FABP12: variants seen among roughly 807,000 people sequenced by gnomAD.
FABP12 encodes fatty acid binding protein 12.
Under a neutral mutation model 13.7 loss-of-function variants are expected in FABP12, and 19 were observed. That is an observed-to-expected ratio of 1.39 (90% confidence interval 0.97 to 2.04). The LOEUF (loss-of-function observed/expected upper bound fraction) is 2.04, where lower values mean the gene tolerates loss of function less well. FABP12 is among the 30% of genes most tolerant of loss of function. FABP12 has a pLI of 0.00. For missense variants in FABP12, 182 were observed against 164.2 expected (o/e 1.11, Z -0.59); for synonymous variants, 61 against 57.0 (o/e 1.07, Z -0.32).
rs144912040 is a variant in FABP12 at position 81,549,359 on chromosome 8, G to A, written c.-184-9616C>T. Among the ~76,000 whole-genome samples, 328 of 152,146 alleles carry A rather than the reference G, an allele frequency of 2.2e-3. 1 individual carries two copies. The highest frequency in any genetic ancestry group is 4.3e-3 in the Admixed American group (65 of 15,278). Reference sequence around the variant, plus strand: ...ATTAACAGAAGGCCTTGATGGACACGGTAAAGAGCTTGGTCTTTATCTGAT... The same window carrying A: ...ATTAACAGAAGGCCTTGATGGACACAGTAAAGAGCTTGGTCTTTATCTGAT... On this transcript the variant is annotated intron_variant, in intron 1 of 5. Coordinates refer to the FABP12 transcript ENST00000692030.
intron 2 of FABP12, among the ~76,000 whole-genome samples, chr8:81,530,442 G>C (rs1272545603): frequency 1.3e-5 from 2 of 152,046 alleles, no homozygotes; most frequent in East Asian, 3.9e-4. Context: ...GAACATCCTT[G>C]TATACACAGC....
At chr8:81,562,351 G>A (rs1056274477) in intron 1 of FABP12, among the ~76,000 whole-genome samples, 1 of 152,140 alleles carries the variant, frequency 6.6e-6, no homozygotes, top group African/African-American at 2.4e-5. Context: ...TCCCACCTTG[G>A]GTGGCTGTGG....
chr8:81,563,779 C>G (rs1809769062), intron 1 of FABP12, among the ~76,000 whole-genome samples: 1 of 152,124 alleles, frequency 6.6e-6, no homozygotes, highest in South Asian at 2.1e-4. Flanking sequence ...GAAACACACC[C>G]ACAAGATCTA....
chr8:81,541,403 G>T (rs754525252), intron 1 of FABP12, among the ~76,000 whole-genome samples: 1 of 152,100 alleles, frequency 6.6e-6, no homozygotes, highest in Non-Finnish European at 1.5e-5. Flanking sequence ...ATTAACATTA[G>T]CTCAATCTTG....
chr8:81,585,728 G>T lies in FABP12; in HGVS notation c.-185+4325C>A, dbSNP rs550964700. On this transcript the variant is annotated intron_variant, in intron 1 of 5. Coordinates refer to the FABP12 transcript ENST00000692030. ...AGCATGGAATAACTTCACATTTTTTGTGTGTGTCCTCTTCAATTTCTTTCA... is the reference window on the plus strand; with the variant it reads ...AGCATGGAATAACTTCACATTTTTTTTGTGTGTCCTCTTCAATTTCTTTCA... 4.3e-4 allele frequency among the ~76,000 whole-genome samples: 66 copies of T among 152,088 alleles called. 1 individual carries two copies. The highest frequency in any genetic ancestry group is 1.4e-3 in the African/African-American group (58 of 41,516).
intron 1 of FABP12, among the ~76,000 whole-genome samples, chr8:81,544,776 G>A (rs1809407991): frequency 6.6e-6 from 1 of 152,128 alleles, no homozygotes; most frequent in South Asian, 2.1e-4. Context: ...AGGTCTGGTG[G>A]GAGAGAGAAG....
intron 1 of FABP12, among the ~76,000 whole-genome samples, chr8:81,581,010 T>C (rs1810148249): frequency 6.6e-6 from 1 of 152,150 alleles, no homozygotes; most frequent in Non-Finnish European, 1.5e-5. Context: ...AGGGGAGAAA[T>C]AGTAGGACTT....
intron 1 of FABP12, among the ~76,000 whole-genome samples, chr8:81,577,860 T>A (rs2130093727): frequency 6.6e-6 from 1 of 152,370 alleles, no homozygotes; most frequent in African/African-American, 2.4e-5. Context: ...CTACAATGTT[T>A]TGTGTTTAAA....
At chr8:81,547,267 A>G (rs1236837547) in intron 1 of FABP12, among the ~76,000 whole-genome samples, 1 of 152,236 alleles carries the variant, frequency 6.6e-6, no homozygotes, top group Non-Finnish European at 1.5e-5. Flanking sequence ...TGTGGAGTTC[A>G]CACATACACA....
At chr8:81,531,167 T>G (rs564394734) in intron 2 of FABP12, 76 bp downstream of exon 2, 1 of 958,810 alleles carries the variant, frequency 1.0e-6, no homozygotes, top group African/African-American at 1.6e-5. Context: ...ATTAATATTA[T>G]TTTATACAGA....
intron 1 of FABP12, among the ~76,000 whole-genome samples, chr8:81,584,884 T>A (rs1340797094): frequency 1.3e-5 from 2 of 152,328 alleles, no homozygotes; most frequent in East Asian, 3.9e-4. Flanking sequence ...TGATTTGCAT[T>A]TCTCTGATGG....
At chr8:81,529,462 G>T in exon 3 of FABP12, 1 of 1,613,928 alleles carries the variant, frequency 6.2e-7, no homozygotes, top group Non-Finnish European at 8.5e-7. Context: ...CACCTGGCGT[G>T]ATTTCCTCAA....
chr8:81,532,105 T>C (rs920304775), intron 1 of FABP12, among the ~76,000 whole-genome samples: 2 of 152,186 alleles, frequency 1.3e-5, no homozygotes, highest in Admixed American at 1.3e-4. Context: ...CAACCCTGAC[T>C]GTAAAATCTC....
At chr8:81,567,982 G>T (rs192634492) in intron 1 of FABP12, among the ~76,000 whole-genome samples, 32 of 152,240 alleles carry the variant, frequency 2.1e-4, no homozygotes, top group Non-Finnish European at 2.9e-5. Flanking sequence ...AATTAGCCGG[G>T]CGCGGTGGCG....
chr8:81,529,669 A>C, intron 2 of FABP12, 59 bp from the exon 3 acceptor site: 3 of 1,395,664 alleles, frequency 2.1e-6, no homozygotes, highest in Non-Finnish European at 3.0e-6. Flanking sequence ...AATACATTAC[A>C]TTACAATACA....
chr8:81,555,232 T>G (rs1809591938), intron 1 of FABP12, among the ~76,000 whole-genome samples: 1 of 152,152 alleles, frequency 6.6e-6, no homozygotes, highest in Non-Finnish European at 1.5e-5. Flanking sequence ...AAAATATATT[T>G]GACTATTCTG....
intron 1 of FABP12, among the ~76,000 whole-genome samples, chr8:81,578,822 A>AATTTCTTT (rs1176379099): frequency 7.5e-5 from 1 of 13,290 alleles, no homozygotes; most frequent in Non-Finnish European, 1.5e-4. Context: ...CATTTGTTCA[A>AATTTCTTT]GTTTTTTTTT....
At chr8:81,538,693 G>A (rs1017766020), upstream of FABP12, among the ~76,000 whole-genome samples, 2 of 152,140 alleles carry the variant, frequency 1.3e-5, no homozygotes, top group East Asian at 3.9e-4. Context: ...TTCTATCTCT[G>A]GCCTCCAAAT....
chr8:81,588,549 G>A (rs1454958099), intron 1 of FABP12, among the ~76,000 whole-genome samples: 1 of 151,982 alleles, frequency 6.6e-6, no homozygotes, highest in African/African-American at 2.4e-5. Context: ...GTTTTTTTGT[G>A]AAGTCTTTAT....
Sources: allele counts gnomAD v4.1 joint callset (sites outside exome capture counted in the v4.1 genomes callset), GRCh38; gene constraint gnomAD v4.1.1; transcripts MANE v1.5; gene names NCBI Gene and HGNC (gene_info 2026-07-23, HGNC 2026-07-21).